DCC: variants seen among roughly 807,000 people sequenced by gnomAD.
DCC encodes netrin receptor DCC.
A neutral mutation model predicts 172.5 loss-of-function variants in DCC; 58 were observed. The observed-to-expected ratio is 0.34, with a 90% CI of 0.27 to 0.42. The LOEUF (loss-of-function observed/expected upper bound fraction) is 0.42. Ranked by LOEUF, DCC falls within the 10% of genes least tolerant of loss-of-function variation. The pLI is 1.00. For missense variants in DCC, 1,740 were observed against 1,791.0 expected, an observed-to-expected ratio of 0.97 and a Z score of 0.51; for synonymous variants, 709 against 644.5, an observed-to-expected ratio of 1.10 and a Z score of -1.52.
chr18:53,147,820 T>C (rs1260191474), intron 7 of DCC, among the ~76,000 whole-genome samples: 1 of 152,214 alleles, frequency 6.6e-6, no homozygotes, highest in Non-Finnish European at 1.5e-5. Context: ...GAGTAAATTA[T>C]TTTAAAATTT....
intron 1 of DCC, among the ~76,000 whole-genome samples, chr18:52,685,837 C>T (rs1169551030): frequency 1.3e-5 from 2 of 152,082 alleles, no homozygotes; most frequent in African/African-American, 4.8e-5. Flanking sequence ...CACAGAGCCC[C>T]TTCTACTCCT....
At chr18:53,205,107 AC>A in intron 9 of DCC, 108 bp from the exon 10 acceptor site, 2 of 819,840 alleles carry the variant, frequency 2.4e-6, no homozygotes, top group Non-Finnish European at 4.2e-6. Context: ...TAAAATACAT[AC>A]TCCTAGAATT....
chr18:53,525,098 A>G (rs2046440312), intron 27 of DCC, among the ~76,000 whole-genome samples: 5 of 152,032 alleles, frequency 3.3e-5, no homozygotes, highest in Admixed American at 2.6e-4. Flanking sequence ...GCCACTTTAA[A>G]TACATAATCT....
intron 5 of DCC, among the ~76,000 whole-genome samples, chr18:52,926,153 G>C (rs2040199066): frequency 6.6e-6 from 1 of 151,670 alleles, no homozygotes; most frequent in Non-Finnish European, 1.5e-5. Flanking sequence ...AAATCTTTTT[G>C]CCTTTTAAAG....
intron 7 of DCC, among the ~76,000 whole-genome samples, chr18:53,092,442 A>T (rs2043027279): frequency 6.6e-6 from 1 of 152,240 alleles, no homozygotes; most frequent in Admixed American, 6.5e-5. Context: ...ATGGTTAGAC[A>T]TGGACTTTAT....
intron 24 of DCC, among the ~76,000 whole-genome samples, chr18:53,465,933 T>G (rs2045615055): frequency 6.6e-6 from 1 of 151,568 alleles, no homozygotes; most frequent in Admixed American, 6.6e-5. Context: ...CCCGGCTAAT[T>G]TTTTGTATTT....
At chr18:53,017,493 C>A (rs755444142) in intron 5 of DCC, among the ~76,000 whole-genome samples, 4 of 152,094 alleles carry the variant, frequency 2.6e-5, no homozygotes, top group Non-Finnish European at 5.9e-5. Context: ...ACAAGTATGT[C>A]CAGTTTTAGA....
chr18:53,388,937 A>G (rs1490431547), intron 16 of DCC, among the ~76,000 whole-genome samples: 1 of 152,032 alleles, frequency 6.6e-6, no homozygotes, highest in Non-Finnish European at 1.5e-5. Context: ...GGTGTGCCCC[A>G]CTATACCTGG....
intron 1 of DCC, among the ~76,000 whole-genome samples, chr18:52,389,318 T>C (rs1401505367): frequency 1.3e-5 from 2 of 152,128 alleles, no homozygotes; most frequent in Non-Finnish European, 2.9e-5. Context: ...AACAAATAAT[T>C]TTTAGTATAT....
intron 2 of DCC, chr18:52,816,683 A>G (rs775199743): frequency 6.6e-6 from 1 of 152,178 alleles, no homozygotes; most frequent in South Asian, 2.1e-4. Flanking sequence ...ATGGCAGTTT[A>G]TAACTCAAAG....
chr18:53,464,136 A>G (rs781560153), intron 24 of DCC, among the ~76,000 whole-genome samples: 16 of 152,206 alleles, frequency 1.1e-4, no homozygotes, highest in Non-Finnish European at 1.9e-4. Flanking sequence ...AAAGTTTACA[A>G]TAAAGAAACG....
At chr18:52,459,560 C>A (rs377615207) in intron 1 of DCC, among the ~76,000 whole-genome samples, 1 of 151,920 alleles carries the variant, frequency 6.6e-6, no homozygotes, top group African/African-American at 2.4e-5. Context: ...CTCTGCCTCC[C>A]GGGTTCATGC....
At chr18:53,217,141 G>GT (rs2055863775) in intron 12 of DCC, among the ~76,000 whole-genome samples, 3 of 152,006 alleles carry the variant, frequency 2.0e-5, no homozygotes, top group Non-Finnish European at 2.9e-5. Context: ...AAAGATGAAT[G>GT]TTTTCACTTG....
chr18:52,373,090 A>AT (rs1226234726), intron 1 of DCC, among the ~76,000 whole-genome samples: 1 of 152,154 alleles, frequency 6.6e-6, no homozygotes, highest in African/African-American at 2.4e-5. Context: ...AAAGATACAG[A>AT]TTTTTTAAAA....
At chr18:53,152,057 T>C (rs1439979418) in intron 7 of DCC, among the ~76,000 whole-genome samples, 1 of 152,178 alleles carries the variant, frequency 6.6e-6, no homozygotes. Context: ...AGTGTTTCTG[T>C]TATTTCACTG....
In DCC at chr18:52,483,839, G is replaced by T. The variant is rs908830619; in HGVS notation, c.91+142961G>T. Among the ~76,000 whole-genome samples the T allele has an allele frequency of 2.0e-5, 3 of 151,710 alleles. No individual in the cohort carries two copies. In the South Asian group the frequency reaches 6.2e-4, roughly 32 times the overall value. On this transcript the variant is annotated intron_variant, in intron 1 of 28. Coordinates refer to ENST00000442544, the MANE Select transcript of DCC (RefSeq NM_005215.4). ...TCTCTTTCTGGAGATCCTATTCTTC[G>T]AATGTTGGATTTTCTAGTATTGTTC...
At chr18:52,872,589 A>C (rs531356644) in intron 2 of DCC, among the ~76,000 whole-genome samples, 56 of 152,180 alleles carry the variant, frequency 3.7e-4, no homozygotes, top group Non-Finnish European at 1.6e-4. Flanking sequence ...TCACTTTATA[A>C]AAAGAACAGG....
intron 1 of DCC, among the ~76,000 whole-genome samples, chr18:52,717,451 A>C (rs57295524): frequency 1.5e-5 from 1 of 65,426 alleles, no homozygotes; most frequent in African/African-American, 4.2e-5. Context: ...TTTTTTTTCC[A>C]AAAAAAGGAA....
chr18:52,712,106 A>G (rs1299339973), intron 1 of DCC, among the ~76,000 whole-genome samples: 2 of 152,042 alleles, frequency 1.3e-5, no homozygotes, highest in Non-Finnish European at 2.9e-5. Flanking sequence ...GACTACAGGC[A>G]CACACCACCA....
Sources: gnomAD v4.1 joint callset for allele counts (sites outside exome capture counted in the v4.1 genomes callset) on GRCh38, gnomAD v4.1.1 for gene constraint, MANE v1.5 for transcripts, NCBI Gene and HGNC (gene_info 2026-07-23, HGNC 2026-07-21) for gene names.